TJP1: variants seen among roughly 807,000 people sequenced by gnomAD.
TJP1 encodes tight junction protein 1, also known as tight junction protein ZO-1.
Under a neutral mutation model 194.2 loss-of-function variants are expected in TJP1, and 43 were observed. The observed-to-expected ratio is 0.22, with a 90% confidence interval of 0.17 to 0.29. TJP1 has a LOEUF of 0.29. TJP1 is among the 10% of genes least tolerant of loss of function. The probability of loss-of-function intolerance (pLI) is 1.00; values close to 1 mark genes in which losing one functional copy is unlikely to be tolerated. For missense variants in TJP1, 1,971 were observed against 2,185.7 expected (o/e 0.90, Z 1.96); for synonymous variants, 801 against 779.0 (o/e 1.03, Z -0.47).
intron 18 of TJP1, among the ~76,000 whole-genome samples, chr15:29,721,492 T>G (rs1373939116): frequency 6.6e-6 from 1 of 152,166 alleles, no homozygotes; most frequent in Non-Finnish European, 1.5e-5. Flanking sequence ...CCTGCAGAAC[T>G]GTGAGCCAAT....
chr15:29,700,673 T>A lies in TJP1; in HGVS notation c.*922A>T, dbSNP rs2041483602. 1 of 367,910 alleles carries A rather than the reference T, an allele frequency of 2.7e-6. No homozygotes were observed. The highest frequency in any genetic ancestry group is 4.6e-5 in the Admixed American group (1 of 21,674). 22.8% of individuals were successfully genotyped at this position (367,910 alleles called of 1,614,324 possible). On this transcript the variant is annotated 3_prime_UTR_variant, in exon 28 of 28. Transcript: ENST00000614355. Reference sequence around the variant, plus strand: ...ACAAGCATCCTTAAAACATCAAAATTTTCAAATGCATAGCCAGAAAGAACA... The same window carrying A: ...ACAAGCATCCTTAAAACATCAAAATATTCAAATGCATAGCCAGAAAGAACA...
chr15:29,745,346 A>T (rs1008714318), intron 8 of TJP1, among the ~76,000 whole-genome samples: 1 of 152,006 alleles, frequency 6.6e-6, no homozygotes, highest in Non-Finnish European at 1.5e-5. Context: ...CTACTGAAAA[A>T]TTTCCTGAAT....
At chr15:29,791,519 C>G (rs932640897) in intron 2 of TJP1, among the ~76,000 whole-genome samples, 1 of 142,762 alleles carries the variant, frequency 7.0e-6, no homozygotes, top group Non-Finnish European at 1.5e-5. Context: ...CTCCCAGGTT[C>G]ACGCCATTCT....
At chr15:29,707,375 G>A (rs1429066087) in intron 25 of TJP1, among the ~76,000 whole-genome samples, 1 of 152,150 alleles carries the variant, frequency 6.6e-6, no homozygotes, top group East Asian at 1.9e-4. Flanking sequence ...GAGTGCCAGG[G>A]ACGACATCCT....
chr15:29,824,559 C>T (rs1442452566), upstream of TJP1, among the ~76,000 whole-genome samples: 16 of 151,082 alleles, frequency 1.1e-4, no homozygotes, highest in Admixed American at 1.1e-3. Context: ...CAGTGAGACC[C>T]CATTAAAAAA....
intron 2 of TJP1, among the ~76,000 whole-genome samples, chr15:29,800,140 C>A (rs2048688566): frequency 6.6e-6 from 1 of 152,210 alleles, no homozygotes; most frequent in Non-Finnish European, 1.5e-5. Context: ...TCACTTCGGA[C>A]AAAGTTCTTA....
intron 2 of TJP1, among the ~76,000 whole-genome samples, chr15:29,860,325 A>G (rs903890703): frequency 6.6e-6 from 1 of 152,032 alleles, no homozygotes; most frequent in Non-Finnish European, 1.5e-5. Flanking sequence ...ATTACAGGAC[A>G]CCTATGCTGT....
In TJP1 at chr15:29,733,307, C is replaced by T. The variant is rs761702631; in HGVS notation, c.1523G>A (p.Arg508His). The change falls in exon 13 of 28, where the codon CGT (arginine) becomes CAT (histidine). Residue 508 changes from arginine to histidine, a missense_variant. Arg to His is a conservative substitution (Grantham distance 29). This residue lies in a region of TJP1 where 402 missense variants were observed against 484.2 expected (regional missense o/e 0.83). Coordinates refer to ENST00000614355, the MANE Select transcript of TJP1 (RefSeq NM_001330239.4). ...ILAQKKKDVY[R>H]RIVESDVGDS... Reference sequence around the variant, plus strand: ...TCCTACATCTGATTCTACAATGCGACGATAAACTAAAAGGAATAAAAACAA... The same window carrying T: ...TCCTACATCTGATTCTACAATGCGATGATAAACTAAAAGGAATAAAAACAA... The T allele has an allele frequency of 3.2e-5, 52 of 1,604,910 alleles. No homozygotes were observed. The highest frequency in any genetic ancestry group is 2.1e-4 in the South Asian group (19 of 90,340).
At chr15:29,770,429 T>C (rs2151617909) in intron 4 of TJP1, among the ~76,000 whole-genome samples, 1 of 151,424 alleles carries the variant, frequency 6.6e-6, no homozygotes, top group South Asian at 2.1e-4. Context: ...CGAAACCGTG[T>C]CTTAAAAAAA....
chr15:29,734,486 ATCT>A (rs2043890682), intron 11 of TJP1, 104 bp from the exon 12 acceptor site: 1 of 750,714 alleles, frequency 1.3e-6, no homozygotes, highest in Non-Finnish European at 2.0e-6. Flanking sequence ...AAAATATCAC[ATCT>A]TTTTTTTTTT....
chr15:29,949,404 CAA>C (rs2055461229), intron 2 of TJP1, among the ~76,000 whole-genome samples: 7 of 121,852 alleles, frequency 5.7e-5, no homozygotes, highest in Non-Finnish European at 8.9e-5. Context: ...ACCACCTCCA[CAA>C]CCACCACCTC....
chr15:29,932,831 C>T (rs1193598587), intron 2 of TJP1, among the ~76,000 whole-genome samples: 1 of 152,066 alleles, frequency 6.6e-6, no homozygotes, highest in African/African-American at 2.4e-5. Context: ...ATTATTTAGG[C>T]TCACTGAAAA....
intron 2 of TJP1, among the ~76,000 whole-genome samples, chr15:29,837,565 A>T (rs934729164): frequency 2.0e-5 from 3 of 152,226 alleles, no homozygotes; most frequent in Admixed American, 2.0e-4. Flanking sequence ...TCTCAAAAAA[A>T]ATTAAAAACA....
At chr15:29,858,413 A>T (rs1205345697) in intron 2 of TJP1, among the ~76,000 whole-genome samples, 1 of 152,170 alleles carries the variant, frequency 6.6e-6, no homozygotes, top group East Asian at 1.9e-4. Flanking sequence ...AAATAAAATT[A>T]AAAAATATGG....
intron 11 of TJP1, 147 bp from the exon 12 acceptor site, chr15:29,734,529 G>C (rs1053684780): frequency 1.9e-5 from 11 of 578,170 alleles, no homozygotes; most frequent in Non-Finnish European, 2.9e-5. Flanking sequence ...TGTCGCCCAG[G>C]CTGGAGTGCA....
At chr15:29,713,390 A>G (rs575599048) in intron 23 of TJP1, among the ~76,000 whole-genome samples, 2 of 152,296 alleles carry the variant, frequency 1.3e-5, no homozygotes, top group South Asian at 2.1e-4. Flanking sequence ...ATCCAGCTCT[A>G]TGGAACTGTT....
intron 2 of TJP1, among the ~76,000 whole-genome samples, chr15:29,794,866 AAAT>A (rs1024871790): frequency 3.0e-4 from 45 of 152,334 alleles, no homozygotes; most frequent in African/African-American, 1.1e-3. Context: ...GAAAATATTA[AAAT>A]AAGAGCAGAA....
At chr15:29,707,049 T>C (rs540505648) in intron 25 of TJP1, among the ~76,000 whole-genome samples, 3 of 152,102 alleles carry the variant, frequency 2.0e-5, no homozygotes, top group Non-Finnish European at 4.4e-5. Flanking sequence ...TAAGTGTGCC[T>C]GAGTATGGTC....
chr15:29,711,220 G>A (rs560234409), intron 23 of TJP1, among the ~76,000 whole-genome samples: 31 of 152,252 alleles, frequency 2.0e-4, no homozygotes, highest in African/African-American at 1.7e-4. Flanking sequence ...AAGAATATTA[G>A]TAAAACATCC....
Sources: allele counts gnomAD v4.1 joint callset (sites outside exome capture counted in the v4.1 genomes callset), GRCh38; gene constraint gnomAD v4.1.1; regional missense constraint gnomAD v4.1.1; transcripts MANE v1.5; gene names NCBI Gene and HGNC (gene_info 2026-07-23, HGNC 2026-07-21).